The following GLIS1 variants were observed in gnomAD, a reference collection of about 807,000 sequenced individuals.
GLIS1 encodes zinc finger protein GLIS1.
A neutral mutation model predicts 63.8 loss-of-function variants in GLIS1; 24 were observed. That is an observed-to-expected ratio of 0.38 (90% CI 0.27 to 0.53). GLIS1 has a LOEUF of 0.53. GLIS1 is among the 20% of genes least tolerant of loss of function. The probability of loss-of-function intolerance (pLI) is 0.85; values close to 1 mark genes in which losing one functional copy is unlikely to be tolerated. For synonymous variants in GLIS1, 450 were observed against 482.5 expected, an observed-to-expected ratio of 0.93 and a Z score of 0.88; for missense variants, 1,036 against 1,074.1, an observed-to-expected ratio of 0.96 and a Z score of 0.50.
chr1:53,733,865 G>A (rs531627711), intron 2 of GLIS1: 25 of 961,990 alleles, frequency 2.6e-5, no homozygotes, highest in Admixed American at 6.2e-5. Context: ...ATTGCCCACC[G>A]GAGCCGGAGG....
chr1:53,723,609 T>C (rs908985695), intron 2 of GLIS1, among the ~76,000 whole-genome samples: 2 of 152,228 alleles, frequency 1.3e-5, no homozygotes, highest in East Asian at 1.9e-4. Context: ...TAGACAAGCA[T>C]AGAAAGAAGA....
At chr1:53,622,904 TA>T (rs140921237) in intron 2 of GLIS1, among the ~76,000 whole-genome samples, 1 of 152,254 alleles carries the variant, frequency 6.6e-6, no homozygotes, top group African/African-American at 2.4e-5. Flanking sequence ...ACATGCTTTT[TA>T]AAAAAATTAT....
At position 53,616,946 on chromosome 1, in the gene GLIS1, C is replaced by T. The variant is rs1430132345; in HGVS notation, c.260-16668G>A. ...TCCCACCCCCAACCCCATCTCCACC[C>T]CAGACCTGAACCCACCCAGATCCCA... is the stretch of plus-strand genomic sequence containing the variant. On this transcript the variant is annotated intron_variant, in intron 2 of 10. Coordinates refer to ENST00000628545, the MANE Select transcript of GLIS1 (RefSeq NM_001367484.1). Among the ~76,000 whole-genome samples, 3 of 152,256 alleles carry T rather than the reference C, an allele frequency of 2.0e-5. No homozygotes were observed. The South Asian group carries it at 6.2e-4, about 32-fold the overall frequency.
At chr1:53,611,381 C>T (rs565339759) in intron 2 of GLIS1, among the ~76,000 whole-genome samples, 98 of 152,322 alleles carry the variant, frequency 6.4e-4, no homozygotes, top group Middle Eastern at 6.8e-3. Flanking sequence ...TGAGCCACTG[C>T]GCCTGGCCAA....
chr1:53,663,606 C>A (rs1646054319), intron 2 of GLIS1, among the ~76,000 whole-genome samples: 1 of 152,238 alleles, frequency 6.6e-6, no homozygotes, highest in South Asian at 2.1e-4. Flanking sequence ...CTGTGTGCCA[C>A]AGCTCCCTCA....
At chr1:53,704,764 G>T (rs1268359319) in intron 2 of GLIS1, among the ~76,000 whole-genome samples, 1 of 152,170 alleles carries the variant, frequency 6.6e-6, no homozygotes, top group Non-Finnish European at 1.5e-5. Flanking sequence ...CCCAAACCTG[G>T]GGCAAGTCAC....
intron 5 of GLIS1, 29 bp downstream of exon 5, chr1:53,529,762 C>A: frequency 6.2e-7 from 1 of 1,601,494 alleles, no homozygotes. Flanking sequence ...TCCTCCACCC[C>A]GCCCTGGGCC....
At chr1:53,704,538 G>A (rs1442216716) in intron 2 of GLIS1, among the ~76,000 whole-genome samples, 3 of 152,194 alleles carry the variant, frequency 2.0e-5, no homozygotes, top group Non-Finnish European at 4.4e-5. Flanking sequence ...GATGAACAGT[G>A]GTGAGGAAGT....
intron 6 of GLIS1, among the ~76,000 whole-genome samples, chr1:53,524,191 T>C (rs1262821736): frequency 6.6e-6 from 1 of 152,252 alleles, no homozygotes; most frequent in African/African-American, 2.4e-5. Flanking sequence ...CGTACGTGCC[T>C]GGGTGCAGAG....
intron 2 of GLIS1, among the ~76,000 whole-genome samples, chr1:53,684,338 G>T (rs540010857): frequency 3.3e-5 from 5 of 152,112 alleles, no homozygotes; most frequent in Non-Finnish European, 7.3e-5. Flanking sequence ...AAATTCAGCC[G>T]ATTTTCCTAA....
chr1:53,659,629 G>C (rs1646004651), intron 2 of GLIS1, among the ~76,000 whole-genome samples: 1 of 152,020 alleles, frequency 6.6e-6, no homozygotes. Flanking sequence ...TTTGTGAGGG[G>C]GCCACACCTG....
At chr1:53,558,784 C>T (rs576853715) in intron 4 of GLIS1, among the ~76,000 whole-genome samples, 2 of 152,338 alleles carry the variant, frequency 1.3e-5, no homozygotes, top group Non-Finnish European at 2.9e-5. Context: ...ATTTACCCTG[C>T]ACCATTCACC....
chr1:53,523,039 G>T (rs1644427608), intron 6 of GLIS1, among the ~76,000 whole-genome samples: 1 of 136,228 alleles, frequency 7.3e-6, no homozygotes, highest in Non-Finnish European at 1.5e-5. Context: ...TCAGGCTGGT[G>T]TGCAGTCCAA....
intron 2 of GLIS1, among the ~76,000 whole-genome samples, chr1:53,620,525 T>C (rs1383514291): frequency 6.6e-6 from 1 of 152,222 alleles, no homozygotes; most frequent in Non-Finnish European, 1.5e-5. Context: ...GTACAGTGTT[T>C]GGTACTAGTC....
intron 4 of GLIS1, among the ~76,000 whole-genome samples, chr1:53,581,502 T>C (rs1645084237): frequency 6.6e-6 from 1 of 152,174 alleles, no homozygotes; most frequent in Admixed American, 6.5e-5. Context: ...GCATTGGAGA[T>C]ACAGAGGGAA....
chr1:53,550,064 A>G (rs1451216397), intron 4 of GLIS1, among the ~76,000 whole-genome samples: 2 of 152,346 alleles, frequency 1.3e-5, no homozygotes, highest in African/African-American at 2.4e-5. Context: ...CATCAGAGCC[A>G]CCAGGTTCAG....
intron 2 of GLIS1, among the ~76,000 whole-genome samples, chr1:53,682,512 G>A (rs1331133567): frequency 1.3e-5 from 2 of 152,280 alleles, no homozygotes; most frequent in Non-Finnish European, 2.9e-5. Context: ...TGAGGCACAG[G>A]CAGATGGCAA....
intron 4 of GLIS1, among the ~76,000 whole-genome samples, chr1:53,592,518 G>C (rs1645202194): frequency 6.6e-6 from 1 of 152,170 alleles, no homozygotes; most frequent in East Asian, 1.9e-4. Flanking sequence ...GGGAGATATG[G>C]GGGCCCAGCT....
chr1:53,514,717 G>A lies in GLIS1; in HGVS notation c.1791C>T (p.His597=), dbSNP rs370301592. ...GLASGLLPPA[H]DVPSRHHPLD... Reference sequence around the variant, plus strand: ...GCGGGTGGTGCCTGGAAGGTACGTCGTGCGCTGGGGGCAGGAGGCCCGATG... The same window carrying A: ...GCGGGTGGTGCCTGGAAGGTACGTCATGCGCTGGGGGCAGGAGGCCCGATG... The change falls in exon 8 of 11, where the codon CAC becomes CAT. Residue 597 remains histidine, a synonymous_variant. Transcript: ENST00000628545. 46 of 1,613,302 alleles carry A rather than the reference G, an allele frequency of 2.9e-5. No homozygotes were observed. Among genetic ancestry groups the A allele is most frequent in the African/African-American group, 4.0e-5 (3 of 75,022 alleles).
Sources: gnomAD v4.1 joint callset for allele counts (sites outside exome capture counted in the v4.1 genomes callset) on GRCh38, gnomAD v4.1.1 for gene constraint, MANE v1.5 for transcripts, NCBI Gene and HGNC (gene_info 2026-07-23, HGNC 2026-07-21) for gene names.